S100Z: variants seen among roughly 807,000 people sequenced by gnomAD.
S100Z encodes S100 calcium binding protein Z.
In S100Z, 11 loss-of-function variants were observed where a neutral mutation model predicts 8.5. That is an observed-to-expected ratio of 1.30 (90% CI 0.82 to 2.15). The LOEUF is 2.15. Ranked by LOEUF, S100Z falls within the 30% of genes most tolerant of loss-of-function variation. The pLI, the probability that S100Z is intolerant of heterozygous loss-of-function variation, is 0.00. For synonymous variants in S100Z, 34 were observed against 43.8 expected (o/e 0.78, Z 0.89); for missense variants, 126 against 117.9 (o/e 1.07, Z -0.32).
At chr5:76,924,201 T>G (rs1459149326), downstream of S100Z, among the ~76,000 whole-genome samples, 2 of 152,160 alleles carry the variant, frequency 1.3e-5, no homozygotes, top group African/African-American at 2.4e-5. Context: ...GGCCCATTCA[T>G]TACCCCTAAA....
chr5:76,906,970 GTGTGTGTATATATATATATATATA>G (rs1270217360), intron 4 of S100Z, among the ~76,000 whole-genome samples: 5 of 26,058 alleles, frequency 1.9e-4, no homozygotes, highest in African/African-American at 1.7e-3. Context: ...ATTCCATTGT[GTGTGTGTATATATATATATATATA>G]TATATATATA....
downstream of S100Z, among the ~76,000 whole-genome samples, chr5:76,922,003 AG>A (rs1460006585): frequency 6.8e-6 from 1 of 146,480 alleles, no homozygotes; most frequent in Non-Finnish European, 1.5e-5. Context: ...AAAAAAAAAA[AG>A]AAAAAAGAAA....
At chr5:76,863,446 G>A (rs901340109) in intron 1 of S100Z, among the ~76,000 whole-genome samples, 2 of 152,126 alleles carry the variant, frequency 1.3e-5, no homozygotes, top group African/African-American at 4.8e-5. Context: ...CATAACTTAC[G>A]GTTGGTTAGC....
chr5:76,857,198 A>G (rs1467233496), intron 1 of S100Z, among the ~76,000 whole-genome samples: 1 of 152,074 alleles, frequency 6.6e-6, no homozygotes, highest in Non-Finnish European at 1.5e-5. Flanking sequence ...AGGCTGAGGC[A>G]GGAGAATCGC....
At chr5:76,862,276 A>G (rs1168685515) in intron 1 of S100Z, among the ~76,000 whole-genome samples, 3 of 152,146 alleles carry the variant, frequency 2.0e-5, no homozygotes, top group Non-Finnish European at 4.4e-5. Context: ...GGGCATAAGC[A>G]AGGAATAGCA....
At chr5:76,922,004 GA>G (rs889266636), downstream of S100Z, among the ~76,000 whole-genome samples, 4 of 143,470 alleles carry the variant, frequency 2.8e-5, no homozygotes, top group Non-Finnish European at 1.5e-5. Flanking sequence ...AAAAAAAAAA[GA>G]AAAAAGAAAG....
intron 4 of S100Z, among the ~76,000 whole-genome samples, chr5:76,882,636 C>T (rs944700469): frequency 9.9e-5 from 15 of 152,076 alleles, no homozygotes; most frequent in Admixed American, 5.2e-4. Flanking sequence ...ATTAGTCAGA[C>T]GTGATCAGCA....
the S100Z span, among the ~76,000 whole-genome samples, chr5:76,934,723 A>G: frequency 6.6e-6 from 1 of 152,232 alleles, no homozygotes; most frequent in African/African-American, 2.4e-5. Context: ...GGAAGCAGAG[A>G]GCAGCCCTCA....
chr5:76,864,641 C>T (rs897445299), intron 1 of S100Z, among the ~76,000 whole-genome samples: 4 of 151,964 alleles, frequency 2.6e-5, no homozygotes, highest in Admixed American at 6.6e-5. Context: ...TGAGCTCAAG[C>T]GAGCCACCCG....
chr5:76,916,532 CAA>C (rs562923963), intron 4 of S100Z, among the ~76,000 whole-genome samples: 74 of 88,664 alleles, frequency 8.3e-4, no homozygotes, highest in Admixed American at 1.0e-3. Flanking sequence ...TGTCCTAGGC[CAA>C]AAAAAAAAAA....
chr5:76,946,706 T>C, the S100Z span, among the ~76,000 whole-genome samples: 2 of 152,176 alleles, frequency 1.3e-5, no homozygotes, highest in African/African-American at 4.8e-5. Flanking sequence ...ACATATAATA[T>C]GGTTGGTATA....
chr5:76,884,586 T>C (rs1743530647), intron 4 of S100Z, among the ~76,000 whole-genome samples: 1 of 152,204 alleles, frequency 6.6e-6, no homozygotes, highest in Non-Finnish European at 1.5e-5. Flanking sequence ...AAACGCTGGC[T>C]GATTTGGGAA....
the S100Z span, among the ~76,000 whole-genome samples, chr5:76,938,996 A>T: frequency 6.6e-6 from 1 of 152,144 alleles, no homozygotes; most frequent in Admixed American, 6.5e-5. Context: ...CACCCCAGAT[A>T]ATTACAAATG....
In S100Z at chr5:76,915,087, C is replaced by T. The variant is rs371098940; in HGVS notation, c.*3-5630C>T. The stretch of plus-strand genomic sequence containing the variant: ...TTGGGAGGTCGAGGCAGGTGGATCA[C>T]GAGGTTAGGAGATCAAGACCATCCT... On this transcript the variant is annotated intron_variant, in intron 4 of 4. Coordinates refer to ENST00000317593, the MANE Select transcript of S100Z (RefSeq NM_130772.4). Among the ~76,000 whole-genome samples the T allele has an allele frequency of 2.8e-4, 43 of 152,166 alleles. No homozygotes were observed. In the East Asian group the frequency reaches 4.6e-3, roughly 16 times the overall value.
chr5:76,895,907 C>T (rs1744022312), intron 4 of S100Z, among the ~76,000 whole-genome samples: 1 of 151,464 alleles, frequency 6.6e-6, no homozygotes, highest in South Asian at 2.1e-4. Context: ...GGATTACAGG[C>T]ACCCACCACC....
the S100Z span, among the ~76,000 whole-genome samples, chr5:76,941,404 G>A: frequency 1.3e-5 from 2 of 151,970 alleles, no homozygotes; most frequent in Non-Finnish European, 2.9e-5. Flanking sequence ...GAGACCTGAT[G>A]GTTTTATAAA....
In S100Z at chr5:76,889,380, T is replaced by C. The variant is rs1022182255; in HGVS notation, c.*2+11546T>C. ...AAATTTTTTAAAAATTGAACACATA[T>C]GTTGGATGTGTTTAAGTTTGTTTTT... On this transcript the variant is annotated intron_variant, in intron 4 of 4. Coordinates refer to ENST00000317593, the MANE Select transcript of S100Z (RefSeq NM_130772.4). 6.6e-5 allele frequency among the ~76,000 whole-genome samples: 10 copies of C among 152,322 alleles called. No homozygotes were observed. The South Asian group carries it at 1.2e-3, about 19-fold the overall frequency.
At chr5:76,900,555 G>T (rs535254338) in intron 4 of S100Z, among the ~76,000 whole-genome samples, 2 of 151,984 alleles carry the variant, frequency 1.3e-5, no homozygotes, top group South Asian at 4.2e-4. Context: ...GCATTTTTTA[G>T]CTTCAGAATT....
At chr5:76,900,564 T>G (rs1383181424) in intron 4 of S100Z, among the ~76,000 whole-genome samples, 2 of 152,228 alleles carry the variant, frequency 1.3e-5, no homozygotes, top group Admixed American at 1.3e-4. Context: ...AGCTTCAGAA[T>G]TTCTGCTTGG....
Sources: gnomAD v4.1 joint callset for allele counts (sites outside exome capture counted in the v4.1 genomes callset) on GRCh38, gnomAD v4.1.1 for gene constraint, MANE v1.5 for transcripts, NCBI Gene and HGNC (gene_info 2026-07-23, HGNC 2026-07-21) for gene names.